Variants in DMD observed in about 807,000 individuals in gnomAD.
DMD encodes mutant dystrophin.
DMD carries 63 observed loss-of-function variants against 330.1 expected under a neutral mutation model. The observed-to-expected ratio is 0.19, with a 90% confidence interval of 0.16 to 0.24. DMD has a LOEUF of 0.24. Ranked by LOEUF, DMD falls within the 10% of genes least tolerant of loss-of-function variation. The pLI, the probability that DMD is intolerant of heterozygous loss-of-function variation, is 1.00. For synonymous variants in DMD, 1,223 were observed against 959.8 expected (o/e 1.27, Z -5.07); for missense variants, 3,344 against 2,684.1 (o/e 1.25, Z -5.43).
chrX:31,379,538 C>T (rs1392288527), intron 60 of DMD, among the ~76,000 whole-genome samples: 8 of 111,611 alleles, frequency 7.2e-5, no homozygotes, highest in Admixed American at 2.8e-4. Context: ...CTGCTCCCGA[C>T]ATTAAACTCC....
intron 2 of DMD, among the ~76,000 whole-genome samples, chrX:32,950,192 G>T: frequency 9.0e-6 from 1 of 111,086 alleles, no homozygotes; most frequent in Non-Finnish European, 1.9e-5. Context: ...AGTAGTAGCA[G>T]CAGCAGCAGT....
chrX:33,081,007 C>CACACAAAAAA (rs1441153335), intron 1 of DMD, among the ~76,000 whole-genome samples: 4 of 98,055 alleles, frequency 4.1e-5, no homozygotes, highest in African/African-American at 1.6e-4. Context: ...CACACACACA[C>CACACAAAAAA]AAAAACACAT....
intron 52 of DMD, among the ~76,000 whole-genome samples, chrX:31,697,303 T>C (rs911900238): frequency 8.9e-6 from 1 of 112,068 alleles, no homozygotes; most frequent in African/African-American, 3.2e-5. Flanking sequence ...TAATAAAGTA[T>C]ATGCACATAA....
intron 44 of DMD, among the ~76,000 whole-genome samples, chrX:32,152,361 A>G (rs1288216670): frequency 9.0e-6 from 1 of 111,394 alleles, no homozygotes; most frequent in Admixed American, 9.6e-5. Context: ...ACTAACAACA[A>G]ATTTTCTTCT....
In DMD at chrX:31,761,736, A is replaced by T. The variant is rs1024095111; in HGVS notation, c.7542+12224T>A. 7.1e-5 allele frequency among the ~76,000 whole-genome samples: 8 copies of T among 112,518 alleles called. No individual in the cohort carries two copies. The East Asian group carries it at 1.7e-3, about 24-fold the overall frequency. On this transcript the variant is annotated intron_variant, in intron 51 of 78. Transcript: ENST00000357033. ...AATATTCAGAGGCAGAAAGATAGAC[A>T]TGAATAATAGAGTTTTTTCTCCATT...
At chrX:31,373,910 G>A (rs1352926531) in intron 60 of DMD, among the ~76,000 whole-genome samples, 21 of 109,575 alleles carry the variant, frequency 1.9e-4, no homozygotes, top group Non-Finnish European at 3.4e-4. Context: ...AAAAATTTTC[G>A]CAACCTGCTC....
intron 4 of DMD, among the ~76,000 whole-genome samples, chrX:32,834,541 G>A (rs2079440525): frequency 9.0e-6 from 1 of 111,516 alleles, no homozygotes; most frequent in Non-Finnish European, 1.9e-5. Flanking sequence ...ATCTAATTCA[G>A]TGACTATTTT....
At chrX:31,863,779 T>C (rs2093752259) in intron 48 of DMD, among the ~76,000 whole-genome samples, 1 of 111,828 alleles carries the variant, frequency 8.9e-6, no homozygotes, top group Admixed American at 9.5e-5. Flanking sequence ...TTTTTAAAAA[T>C]TGAATTTAAG....
At chrX:32,918,663 T>TA (rs2088085718) in intron 2 of DMD, among the ~76,000 whole-genome samples, 1 of 112,426 alleles carries the variant, frequency 8.9e-6, no homozygotes, top group Non-Finnish European at 1.9e-5. Flanking sequence ...CATGTATTCT[T>TA]AAACAGATTT....
chrX:32,024,374 A>G (rs1405289155), intron 44 of DMD, among the ~76,000 whole-genome samples: 2 of 107,984 alleles, frequency 1.9e-5, no homozygotes, highest in Non-Finnish European at 3.8e-5. Context: ...TATCCCAGGT[A>G]CTTCGGAGGC....
At chrX:33,205,054 C>A (rs778229014) in intron 1 of DMD, among the ~76,000 whole-genome samples, 2 of 112,176 alleles carry the variant, frequency 1.8e-5, no homozygotes, top group South Asian at 7.4e-4. Flanking sequence ...TGCCCTTCAG[C>A]GTCTACTAAA....
intron 16 of DMD, 102 bp downstream of exon 16, chrX:32,565,600 C>T (rs187864581): frequency 1.0e-5 from 9 of 872,901 alleles, no homozygotes; most frequent in Non-Finnish European, 1.5e-5. Flanking sequence ...AGGGCAAAAA[C>T]TAATCTGGTT....
chrX:31,610,437 A>G (rs1418400874), intron 55 of DMD, among the ~76,000 whole-genome samples: 1 of 111,670 alleles, frequency 9.0e-6, no homozygotes, highest in Admixed American at 9.5e-5. Context: ...AGGGGTGGGT[A>G]ATAACTCTCT....
intron 1 of DMD, among the ~76,000 whole-genome samples, chrX:33,325,640 A>G (rs900840670): frequency 1.8e-5 from 2 of 112,079 alleles, no homozygotes; most frequent in Non-Finnish European, 3.8e-5. Context: ...CAAATCCTTC[A>G]GTATGTAGTT....
chrX:32,979,241 G>T (rs2092638005), intron 2 of DMD, among the ~76,000 whole-genome samples: 1 of 112,111 alleles, frequency 8.9e-6, no homozygotes, highest in African/African-American at 3.2e-5. Flanking sequence ...ATCAGATGAT[G>T]GATGTACAAG....
chrX:31,528,337 A>T (rs1311900183), intron 55 of DMD, among the ~76,000 whole-genome samples: 1 of 112,243 alleles, frequency 8.9e-6, no homozygotes, highest in African/African-American at 3.2e-5. Flanking sequence ...TAGGGAAAAT[A>T]TTCGATTCAA....
chrX:31,620,414 AT>A lies in DMD; in HGVS notation c.8217+7258del, dbSNP rs796904162. The stretch of plus-strand genomic sequence containing the variant: ...AGACTTTTACTTTTTCCATGACATA[AT>A]TTTTTTTTTTTTTTTTTGAGATGGA... On this transcript the variant is annotated intron_variant, in intron 55 of 78. Coordinates refer to ENST00000357033, the MANE Select transcript of DMD (RefSeq NM_004006.3). 2.4e-3 allele frequency among the ~76,000 whole-genome samples: 234 copies of A among 97,590 alleles called. 1 individual carries two copies. The highest frequency in any genetic ancestry group is 5.6e-3 in the Middle Eastern group (1 of 177). 84.7% of individuals were successfully genotyped at this position (97,590 alleles called of 115,157 possible). A position where few individuals can be genotyped will look rare whatever the true frequency, so the allele number is the denominator to read the frequency against.
chrX:31,193,792 C>A (rs1210185641), intron 67 of DMD, among the ~76,000 whole-genome samples: 1 of 110,927 alleles, frequency 9.0e-6, no homozygotes, highest in African/African-American at 3.3e-5. Context: ...GTCTTTTGGC[C>A]AAAAAATGTT....
At chrX:31,474,423 A>G (rs1274627106) in intron 59 of DMD, among the ~76,000 whole-genome samples, 1 of 110,578 alleles carries the variant, frequency 9.0e-6, no homozygotes, top group East Asian at 2.8e-4. Context: ...ATGTTCTTCT[A>G]GCTAGCTGCC....
Sources: allele counts gnomAD v4.1 joint callset (sites outside exome capture counted in the v4.1 genomes callset), GRCh38; gene constraint gnomAD v4.1.1; transcripts MANE v1.5; gene names NCBI Gene and HGNC (gene_info 2026-07-23, HGNC 2026-07-21).